The following GOLGA7B variants were observed in gnomAD, a reference collection of about 807,000 sequenced individuals.
GOLGA7B encodes the protein golgin subfamily A member 7B.
Under a neutral mutation model 21.5 loss-of-function variants are expected in GOLGA7B, and 17 were observed. The ratio of observed to expected loss-of-function variants is 0.79; its 90% CI spans 0.54 to 1.19. GOLGA7B has a LOEUF of 1.19. GOLGA7B is among the 50% of genes most tolerant of loss of function. The pLI is 0.00. For synonymous variants in GOLGA7B, 87 were observed against 84.0 expected, an observed-to-expected ratio of 1.04 and a Z score of -0.19; for missense variants, 169 against 224.4, an observed-to-expected ratio of 0.75 and a Z score of 1.58.
At chr10:97,850,355 C>T (rs1257380778) in intron 1 of GOLGA7B, 40 bp downstream of exon 1, 1 of 1,503,440 alleles carries the variant, frequency 6.7e-7, no homozygotes, top group Non-Finnish European at 8.9e-7. Flanking sequence ...TGCCCGATTG[C>T]CGCGGGACCA....
rs534186661 is a variant in GOLGA7B at position 97,850,246 on chromosome 10, A to C, written c.-58A>C. On this transcript the variant is annotated 5_prime_UTR_variant, in exon 1 of 5. Coordinates refer to ENST00000370602, the MANE Select transcript of GOLGA7B (RefSeq NM_001010917.3). ...CCGCCGCCCACCTGCTCCCGGGGTCAGCACCGCGGAGACCCCCCTCGCCCG... is the reference window on the plus strand; with the variant it reads ...CCGCCGCCCACCTGCTCCCGGGGTCCGCACCGCGGAGACCCCCCTCGCCCG... The C allele has an allele frequency of 2.9e-6, 4 of 1,360,636 alleles. No individual in the cohort carries two copies. The Admixed American group carries it at 1.0e-4, about 36-fold the overall frequency. 84.3% of individuals were successfully genotyped at this position (1,360,636 alleles called of 1,614,324 possible). A position where few individuals can be genotyped will look rare whatever the true frequency, so the allele number is the denominator to read the frequency against.
At chr10:97,864,139 T>C (rs766878211) in intron 3 of GOLGA7B, 29 bp from the exon 4 acceptor site, 9 of 1,613,938 alleles carry the variant, frequency 5.6e-6, no homozygotes, top group South Asian at 1.1e-5. Context: ...TGTGGCATGC[T>C]CATCCTTGTC....
At chr10:97,865,405 TG>T in intron 4 of GOLGA7B, 184 bp from the exon 5 acceptor site, 1 of 1,003,090 alleles carries the variant, frequency 1.0e-6, no homozygotes, top group Admixed American at 2.9e-5. Flanking sequence ...TCTCCCTAAT[TG>T]TTAGCTAAGT....
Position 97,867,239 on chromosome 10 carries a change from C to G in GOLGA7B, c.*1539C>G, listed in dbSNP as rs2050038413. The G allele has an allele frequency of 6.6e-6, 1 of 152,284 alleles. No individual in the cohort carries two copies. The highest frequency in any genetic ancestry group is 1.5e-5 in the Non-Finnish European group (1 of 68,110). The allele number at this position is 152,284 out of a possible 1,614,324, so 9.4% of individuals were successfully genotyped here. A position where few individuals can be genotyped will look rare whatever the true frequency, so the allele number is the denominator to read the frequency against. Reference sequence around the variant, plus strand: ...AGGGGAAAGGCAAACTCCCTCCTTGCAAGGAAAGGAGATGTCCAGCCAATG... The same window carrying G: ...AGGGGAAAGGCAAACTCCCTCCTTGGAAGGAAAGGAGATGTCCAGCCAATG... On this transcript the variant is annotated 3_prime_UTR_variant, in exon 5 of 5. Transcript: ENST00000370602.
chr10:97,859,567 C>A lies in GOLGA7B; in HGVS notation c.122C>A (p.Pro41Gln). 2 of 1,614,104 alleles carry A rather than the reference C, an allele frequency of 1.2e-6. No individual in the cohort carries two copies. Among genetic ancestry groups the A allele is most frequent in the Non-Finnish European group, 1.7e-6 (2 of 1,179,978 alleles). Residue 41 changes from proline to glutamine, a missense_variant, in exon 2 of 5, where the codon CCA becomes CAA. Pro to Gln is a moderately conservative substitution (Grantham distance 76, BLOSUM62 -1). Transcript: ENST00000370602. ...TICQFQTKFP[P>Q]ELDSRIERQL... Reference sequence around the variant, plus strand: ...TGTCAGTTCCAGACCAAATTCCCCCCAGAGCTGGACAGCCGGGTAAGGATG... The same window carrying A: ...TGTCAGTTCCAGACCAAATTCCCCCAAGAGCTGGACAGCCGGGTAAGGATG...
At chr10:97,861,090 C>A (rs1241918543) in intron 2 of GOLGA7B, among the ~76,000 whole-genome samples, 8 of 152,216 alleles carry the variant, frequency 5.3e-5, no homozygotes, top group Admixed American at 5.2e-4. Context: ...AATCTCAGCT[C>A]CCTCCCTGGA....
intron 3 of GOLGA7B, 30 bp from the exon 4 acceptor site, chr10:97,864,138 C>G: frequency 6.2e-7 from 1 of 1,613,754 alleles, no homozygotes; most frequent in Non-Finnish European, 8.5e-7. Flanking sequence ...CTGTGGCATG[C>G]TCATCCTTGT....
chr10:97,864,847 TTCTG>T (rs1397526293), intron 4 of GOLGA7B, among the ~76,000 whole-genome samples: 1 of 152,150 alleles, frequency 6.6e-6, no homozygotes, highest in East Asian at 1.9e-4. Flanking sequence ...TGGGGCGTGG[TTCTG>T]CTGACTTTAT....
chr10:97,856,059 C>T (rs955860294), intron 1 of GOLGA7B, among the ~76,000 whole-genome samples: 1 of 152,096 alleles, frequency 6.6e-6, no homozygotes, highest in Admixed American at 6.6e-5. Context: ...TTATTATTTC[C>T]CAAGATTTTT....
At chr10:97,865,404 T>G in intron 4 of GOLGA7B, 186 bp from the exon 5 acceptor site, 2 of 983,416 alleles carry the variant, frequency 2.0e-6, no homozygotes, top group African/African-American at 1.6e-5. Context: ...GTCTCCCTAA[T>G]TGTTAGCTAA....
chr10:97,850,384 TG>T, intron 1 of GOLGA7B, 69 bp downstream of exon 1: 1 of 1,211,590 alleles, frequency 8.3e-7, no homozygotes. Flanking sequence ...AGGGGTGGGC[TG>T]GGCAGGAGTG....
At position 97,867,542 on chromosome 10, in the gene GOLGA7B, A is replaced by G. The variant is rs1201158321; in HGVS notation, c.*1842A>G. On this transcript the variant is annotated 3_prime_UTR_variant, in exon 5 of 5. Transcript: ENST00000370602. ...CCTCAGGAAGTCCTCGGCCCAAGTG[A>G]GTCCTGGTCCAAGGATCCCCCTGGA... 1 of 152,258 alleles carries G rather than the reference A, an allele frequency of 6.6e-6. No individual in the cohort carries two copies. The highest frequency in any genetic ancestry group is 2.4e-5 in the African/African-American group (1 of 41,410). 9.4% of individuals were successfully genotyped at this position (152,258 alleles called of 1,614,324 possible). A position where few individuals can be genotyped will look rare whatever the true frequency, so the allele number is the denominator to read the frequency against.
intron 1 of GOLGA7B, among the ~76,000 whole-genome samples, chr10:97,851,308 C>T (rs1590157538): frequency 6.6e-6 from 1 of 152,108 alleles, no homozygotes; most frequent in East Asian, 1.9e-4. Flanking sequence ...TGGGGGAGAG[C>T]AGAGGCCTGT....
intron 4 of GOLGA7B, among the ~76,000 whole-genome samples, chr10:97,864,508 T>C (rs530686478): frequency 6.6e-6 from 1 of 152,344 alleles, no homozygotes; most frequent in African/African-American, 2.4e-5. Flanking sequence ...CCAGCTATCA[T>C]GTGAAGTGCT....
At chr10:97,853,360 G>A (rs1418295705) in intron 1 of GOLGA7B, among the ~76,000 whole-genome samples, 1 of 152,178 alleles carries the variant, frequency 6.6e-6, no homozygotes, top group East Asian at 1.9e-4. Flanking sequence ...GCGCCAGGGG[G>A]GCACTCCTGT....
In GOLGA7B at chr10:97,868,049, G is replaced by A. The variant is rs570501628; in HGVS notation, c.*2349G>A. 4 of 152,392 alleles carry A rather than the reference G, an allele frequency of 2.6e-5. No homozygotes were observed. Among genetic ancestry groups the A allele is most frequent in the Middle Eastern group, 3.4e-3 (1 of 294 alleles). 9.4% of individuals were successfully genotyped at this position (152,392 alleles called of 1,614,324 possible). On this transcript the variant is annotated 3_prime_UTR_variant, in exon 5 of 5. Transcript: ENST00000370602. ...GAGCTCTTCCCCTGGGTTGGGTCCT[G>A]TTGGGAGCTGGATCACACAGGTCAC...
intron 1 of GOLGA7B, among the ~76,000 whole-genome samples, chr10:97,851,697 C>T (rs1265618694): frequency 6.6e-6 from 1 of 152,254 alleles, no homozygotes; most frequent in Admixed American, 6.5e-5. Flanking sequence ...ACTTCAGCTA[C>T]ATGGGCATGG....
In GOLGA7B at chr10:97,869,003, C is replaced by G. The variant is rs946974614; in HGVS notation, c.*3303C>G. 2.0e-5 allele frequency: 3 copies of G among 152,214 alleles called. No homozygotes were observed. The highest frequency in any genetic ancestry group is 4.4e-5 in the Non-Finnish European group (3 of 68,046). 9.4% of individuals were successfully genotyped at this position (152,214 alleles called of 1,614,324 possible). A position where few individuals can be genotyped will look rare whatever the true frequency, so the allele number is the denominator to read the frequency against. The stretch of plus-strand genomic sequence containing the variant: ...TTTTACATATGGGGAAACTGAGGCT[C>G]ATGGACGTTAAGTAACTGGGAAATT... On this transcript the variant is annotated 3_prime_UTR_variant, in exon 5 of 5. Transcript: ENST00000370602.
chr10:97,864,335 C>A, intron 4 of GOLGA7B, 66 bp downstream of exon 4: 2 of 1,418,066 alleles, frequency 1.4e-6, no homozygotes, highest in Non-Finnish European at 9.9e-7. Flanking sequence ...CCTGGTGAGG[C>A]TGCCAGGAAA....
Sources: allele counts gnomAD v4.1 joint callset (sites outside exome capture counted in the v4.1 genomes callset), GRCh38; gene constraint gnomAD v4.1.1; transcripts MANE v1.5; gene names NCBI Gene and HGNC (gene_info 2026-07-23, HGNC 2026-07-21).